SIGLEC5: variants seen among roughly 807,000 people sequenced by gnomAD.
SIGLEC5 encodes sialic acid binding Ig like lectin 5.
SIGLEC5 carries 34 observed loss-of-function variants against 45.9 expected under a neutral mutation model. That is an observed-to-expected ratio of 0.74 (90% CI 0.56 to 0.99). SIGLEC5 has a LOEUF of 0.99. Among genes scored for constraint, SIGLEC5 ranks in the 50% least tolerant of loss-of-function variants. SIGLEC5 has a pLI of 0.00. For synonymous variants in SIGLEC5, 203 were observed against 258.6 expected, an observed-to-expected ratio of 0.79 and a Z score of 2.06; for missense variants, 508 against 629.6, an observed-to-expected ratio of 0.81 and a Z score of 2.07.
intron 4 of SIGLEC5, among the ~76,000 whole-genome samples, chr19:51,628,611 A>G (rs568302159): frequency 7.0e-6 from 1 of 142,826 alleles, no homozygotes; most frequent in Non-Finnish European, 1.5e-5. Flanking sequence ...GGGTGTACGT[A>G]CATGTGTGCG....
intron 3 of SIGLEC5, 55 bp downstream of exon 3, chr19:51,629,303 C>CCCCT: frequency 6.3e-7 from 1 of 1,591,260 alleles, no homozygotes. Flanking sequence ...CACACACACA[C>CCCCT]ACCCCTCACT....
intron 8 of SIGLEC5, among the ~76,000 whole-genome samples, chr19:51,624,113 C>T (rs148939000): frequency 1.1e-4 from 16 of 151,972 alleles, no homozygotes; most frequent in South Asian, 8.3e-4. Flanking sequence ...GAGCCGAGAT[C>T]GCACCACTGC....
rs117206869 is a variant in SIGLEC5, at chr19:51,612,475, G to A, written c.1465-53C>T. The stretch of plus-strand genomic sequence containing the variant: ...CAGTAGGAATAAAGAGGCAGGTGTA[G>A]AATAATGAGTTCTTATATTTATATG... On this transcript the variant is annotated intron_variant, in intron 8 of 8. Transcript: ENST00000683636. The A allele has an allele frequency of 9.8e-5, 125 of 1,270,172 alleles. No homozygotes were observed. The East Asian group carries it at 2.8e-3, about 28-fold the overall frequency. 78.7% of individuals were successfully genotyped at this position (1,270,172 alleles called of 1,614,324 possible).
chr19:51,620,676 T>C (rs761792122), intron 8 of SIGLEC5, among the ~76,000 whole-genome samples: 6 of 152,222 alleles, frequency 3.9e-5, no homozygotes, highest in South Asian at 2.1e-4. Flanking sequence ...AAGATGCCCA[T>C]GGTCACTATG....
intron 8 of SIGLEC5, 76 bp from the exon 9 acceptor site, chr19:51,612,498 A>G: frequency 1.9e-6 from 2 of 1,071,098 alleles, no homozygotes; most frequent in Non-Finnish European, 2.7e-6. Flanking sequence ...TTATATTTAT[A>G]TGTTGCCTTG....
Position 51,626,015 on chromosome 19 carries a change from A to G in SIGLEC5, c.1464+17T>C, listed in dbSNP as rs146177723. ...TCCGAGTGGACATGCACATGAGAAG[A>G]TCCCCAAACCACTCACCGAGGTGAT... On this transcript the variant is annotated intron_variant, in intron 8 of 8. Coordinates refer to ENST00000683636, the MANE Select transcript of SIGLEC5 (RefSeq NM_003830.4). 72 of 1,608,366 alleles carry G rather than the reference A, an allele frequency of 4.5e-5. No homozygotes were observed. The highest frequency in any genetic ancestry group is 6.1e-5 in the Non-Finnish European group (72 of 1,175,064).
chr19:51,618,422 A>G (rs1983145089), intron 8 of SIGLEC5, among the ~76,000 whole-genome samples: 1 of 134,002 alleles, frequency 7.5e-6, no homozygotes, highest in African/African-American at 2.8e-5. Flanking sequence ...TCCAGCCCGC[A>G]TGAGTGAGTG....
rs547239864 is a variant in SIGLEC5, at chr19:51,624,748, C to T, written c.1464+1284G>A. Reference sequence around the variant, plus strand: ...CTTTGGGAGGCTGAGGCAGGCAGATCACCTGAGGTCAGGAGTTCGAGACCA... The same window carrying T: ...CTTTGGGAGGCTGAGGCAGGCAGATTACCTGAGGTCAGGAGTTCGAGACCA... On this transcript the variant is annotated intron_variant, in intron 8 of 8. Transcript: ENST00000683636. Among the ~76,000 whole-genome samples the T allele has an allele frequency of 6.4e-4, 97 of 152,172 alleles. 1 individual carries two copies. The highest frequency in any genetic ancestry group is 2.2e-3 in the African/African-American group (90 of 41,500).
At chr19:51,613,887 C>T (rs912051366) in intron 8 of SIGLEC5, among the ~76,000 whole-genome samples, 7 of 151,910 alleles carry the variant, frequency 4.6e-5, no homozygotes, top group Non-Finnish European at 7.4e-5. Flanking sequence ...GCAGGAGGAG[C>T]GGATTATTGA....
chr19:51,628,112 G>C (rs1397285879), intron 4 of SIGLEC5, 21 bp from the exon 5 acceptor site: 1 of 1,502,104 alleles, frequency 6.7e-7, no homozygotes, highest in Non-Finnish European at 8.9e-7. Flanking sequence ...AGAAGGGTGG[G>C]GAAAGAGAGA....
chr19:51,616,986 C>T (rs1010557361), intron 8 of SIGLEC5, among the ~76,000 whole-genome samples: 10 of 149,206 alleles, frequency 6.7e-5, no homozygotes, highest in African/African-American at 2.0e-4. Context: ...AGAAATAGGC[C>T]GGGTGTGGTG....
At chr19:51,617,689 G>A (rs933685742) in intron 8 of SIGLEC5, among the ~76,000 whole-genome samples, 1 of 152,036 alleles carries the variant, frequency 6.6e-6, no homozygotes, top group African/African-American at 2.4e-5. Flanking sequence ...AAAACCCACT[G>A]GGGGGAAGAA....
chr19:51,628,168 G>A, intron 4 of SIGLEC5, 77 bp from the exon 5 acceptor site: 1 of 1,428,414 alleles, frequency 7.0e-7, no homozygotes, highest in Non-Finnish European at 9.3e-7. Context: ...TCCTTCCCAG[G>A]ATCCAGATGA....
chr19:51,627,155 A>T lies in SIGLEC5; in HGVS notation c.1376T>A (p.Phe459Tyr), dbSNP rs1323192877. 1.2e-6 allele frequency: 2 copies of T among 1,613,470 alleles called. No individual in the cohort carries two copies. The highest frequency in any genetic ancestry group is 2.2e-5 in the South Asian group (2 of 91,062). ...LLCICLCLIF[F>Y]LIVKARRKQA... Reference sequence around the variant, plus strand: ...CCCTGGGACCAAGACTTACATTAAAAAGAAGATGAGGCACAGACAGATACA... The same window carrying T: ...CCCTGGGACCAAGACTTACATTAAATAGAAGATGAGGCACAGACAGATACA... Residue 459 changes from phenylalanine (F) to tyrosine (Y), a missense_variant, in exon 7 of 9, where the codon TTT (phenylalanine) becomes TAT (tyrosine). Phe to Tyr is a conservative substitution (Grantham distance 22). Coordinates refer to ENST00000683636, the MANE Select transcript of SIGLEC5 (RefSeq NM_003830.4).
At chr19:51,618,458 A>AC (rs903155451) in intron 8 of SIGLEC5, among the ~76,000 whole-genome samples, 4 of 149,882 alleles carry the variant, frequency 2.7e-5, no homozygotes, top group Non-Finnish European at 5.9e-5. Flanking sequence ...AAAAAAAAAA[A>AC]AAAAAAAAAA....
chr19:51,618,028 G>A (rs1383153568), intron 8 of SIGLEC5, among the ~76,000 whole-genome samples: 2 of 150,106 alleles, frequency 1.3e-5, no homozygotes, highest in African/African-American at 4.9e-5. Context: ...AAAGTCCTGG[G>A]CTCAAGCGAT....
At chr19:51,617,116 A>C (rs554706941) in intron 8 of SIGLEC5, among the ~76,000 whole-genome samples, 1 of 150,782 alleles carries the variant, frequency 6.6e-6, no homozygotes, top group Non-Finnish European at 1.5e-5. Flanking sequence ...TTAGCCGGGC[A>C]TGGTGGCGGG....
Position 51,627,173 on chromosome 19 carries a change from C to G in SIGLEC5, c.1358G>C (p.Cys453Ser), listed in dbSNP as rs747737197. 6.2e-7 allele frequency: 1 copy of G among 1,614,060 alleles called. No homozygotes were observed. The highest frequency in any genetic ancestry group is 1.3e-5 in the African/African-American group (1 of 75,014). ...GAGVMALLCI[C>S]LCLIFFLIVK... ...CATTAAAAAGAAGATGAGGCACAGA[C>G]AGATACAGAGCAGGGCCATGACACC... Residue 453 changes from cysteine to serine, a missense_variant, in exon 7 of 9, where the codon TGT (cysteine) becomes TCT (serine). Cys to Ser is a moderately radical substitution (Grantham distance 112, BLOSUM62 -1). Transcript: ENST00000683636.
chr19:51,627,680 A>G lies in SIGLEC5; in HGVS notation c.1064T>C (p.Phe355Ser). The change falls in exon 6 of 9, where the codon TTT becomes TCT. Residue 355 changes from phenylalanine to serine, a missense_variant. Phe to Ser is a radical substitution (Grantham distance 155). Coordinates refer to ENST00000683636, the MANE Select transcript of SIGLEC5 (RefSeq NM_003830.4). The stretch of plus-strand genomic sequence containing the variant: ...CAGGGAGGGGGCCGGCCGGGCTCGA[A>G]AGGAGCATCTGCAGTGCAGACCCTC... Reference protein sequence around the residue: ...EAEGLHCRCSFRARPAPSLCW... With the variant: ...EAEGLHCRCSSRARPAPSLCW... 1 of 1,610,474 alleles carries G rather than the reference A, an allele frequency of 6.2e-7. No individual in the cohort carries two copies. Among genetic ancestry groups the G allele is most frequent in the Non-Finnish European group, 8.5e-7 (1 of 1,178,710 alleles).
Sources: gnomAD v4.1 joint callset for allele counts (sites outside exome capture counted in the v4.1 genomes callset) on GRCh38, gnomAD v4.1.1 for gene constraint, MANE v1.5 for transcripts, NCBI Gene and HGNC (gene_info 2026-07-23, HGNC 2026-07-21) for gene names.